Variants in SEC14L3 observed in about 807,000 individuals in gnomAD.
SEC14L3 encodes SEC14-like protein 3.
A neutral mutation model predicts 57.4 loss-of-function variants in SEC14L3; 56 were observed. The observed-to-expected ratio is 0.97, with a 90% CI of 0.79 to 1.22. SEC14L3 has a LOEUF of 1.22. SEC14L3 is among the 50% of genes most tolerant of loss of function. The pLI is 0.00. For missense variants in SEC14L3, 485 were observed against 511.7 expected, an observed-to-expected ratio of 0.95 and a Z score of 0.50; for synonymous variants, 173 against 194.4, an observed-to-expected ratio of 0.89 and a Z score of 0.92.
At chr22:30,465,640 C>T (rs942044164) in intron 7 of SEC14L3, among the ~76,000 whole-genome samples, 1 of 152,170 alleles carries the variant, frequency 6.6e-6, no homozygotes, top group African/African-American at 2.4e-5. Flanking sequence ...AACTAACTAG[C>T]CATCAAAACA....
At position 30,459,330 on chromosome 22, in the gene SEC14L3, G is replaced by A. The variant is rs1935178819; in HGVS notation, c.*691C>T. The A allele has an allele frequency of 1.0e-6, 1 of 985,468 alleles. No homozygotes were observed. Among genetic ancestry groups the A allele is most frequent in the African/African-American group, 1.7e-5 (1 of 57,362 alleles). The allele number at this position is 985,468 out of a possible 1,614,324, so 61.0% of individuals were successfully genotyped here. A position where few individuals can be genotyped will look rare whatever the true frequency, so the allele number is the denominator to read the frequency against. ...TATGTGCAACAAGGGAAGTGGGTTA[G>A]GGTGGGAAGCTGAGCGTGCAAGTCA... On this transcript the variant is annotated 3_prime_UTR_variant, in exon 12 of 12. Coordinates refer to ENST00000215812, the MANE Select transcript of SEC14L3 (RefSeq NM_174975.5).
intron 7 of SEC14L3, 157 bp from the exon 8 acceptor site, chr22:30,465,060 A>G: frequency 1.5e-6 from 1 of 666,546 alleles, no homozygotes; most frequent in South Asian, 6.7e-5. Context: ...CAACCAGTCA[A>G]CCAGCCAACA....
intron 5 of SEC14L3, among the ~76,000 whole-genome samples, chr22:30,468,282 CA>C (rs1338425218): frequency 8.5e-5 from 12 of 141,076 alleles, no homozygotes; most frequent in Admixed American, 1.5e-4. Flanking sequence ...CTGTCTCAAG[CA>C]AAAAAAAAAA....
chr22:30,461,657 A>G lies in SEC14L3; in HGVS notation c.809T>C (p.Val270Ala), dbSNP rs1935269568. ...YGGEIPKSMY[V>A]RDQVKTQYEH... ...GTACTGAGTCTTCACCTGGTCCCGCACGTACATGGACTTGGGGATCTCCCC... is the reference window on the plus strand; with the variant it reads ...GTACTGAGTCTTCACCTGGTCCCGCGCGTACATGGACTTGGGGATCTCCCC... Residue 270 changes from valine to alanine, a missense_variant, in exon 10 of 12, where the codon GTG (valine) becomes GCG (alanine). Physicochemically the swap from Val to Ala is moderately conservative, Grantham distance 64. Coordinates refer to ENST00000215812, the MANE Select transcript of SEC14L3 (RefSeq NM_174975.5). 1.2e-6 allele frequency: 2 copies of G among 1,612,334 alleles called. No homozygotes were observed. Among genetic ancestry groups the G allele is most frequent in the Admixed American group, 1.7e-5 (1 of 59,842 alleles).
chr22:30,471,764 G>T, intron 1 of SEC14L3, 141 bp downstream of exon 1: 1 of 1,230,740 alleles, frequency 8.1e-7, no homozygotes, highest in South Asian at 1.3e-5. Context: ...CGTGGGGCTT[G>T]ACCCTTTGGG....
At chr22:30,469,191 C>T (rs927411128) in intron 4 of SEC14L3, among the ~76,000 whole-genome samples, 1 of 152,020 alleles carries the variant, frequency 6.6e-6, no homozygotes, top group Non-Finnish European at 1.5e-5. Context: ...TGGTAATACA[C>T]ATCTGTAGAC....
At chr22:30,461,775 C>G (rs573859812) in intron 9 of SEC14L3, 81 bp from the exon 10 acceptor site, 3 of 1,526,366 alleles carry the variant, frequency 2.0e-6, no homozygotes, top group South Asian at 1.2e-5. Context: ...ACTTTCACCA[C>G]CTCCTGGAAG....
intron 12 of SEC14L3, among the ~76,000 whole-genome samples, chr22:30,452,628 C>T (rs762713688): frequency 8.6e-5 from 13 of 151,916 alleles, no homozygotes; most frequent in Non-Finnish European, 1.8e-4. Flanking sequence ...GAAGCCAGCA[C>T]GGGGAGACAG....
chr22:30,468,347 G>C (rs1185757786), intron 5 of SEC14L3, among the ~76,000 whole-genome samples, 161 bp downstream of exon 5: 1 of 151,882 alleles, frequency 6.6e-6, no homozygotes, highest in Non-Finnish European at 1.5e-5. Context: ...TTCTGTGACT[G>C]TGACTTTTCA....
At chr22:30,460,351 C>T (rs1601815457) in intron 11 of SEC14L3, 1 of 838,202 alleles carries the variant, frequency 1.2e-6, no homozygotes, top group Non-Finnish European at 1.4e-6. Context: ...TGGCATGTGC[C>T]CAGGCATGGC....
chr22:30,466,232 C>A (rs1935411431), intron 7 of SEC14L3, 102 bp downstream of exon 7: 1 of 1,135,990 alleles, frequency 8.8e-7, no homozygotes, highest in Non-Finnish European at 1.3e-6. Context: ...GCCAAGAAAC[C>A]AACCTGCCTC....
At chr22:30,462,843 T>C (rs1935310451) in intron 8 of SEC14L3, among the ~76,000 whole-genome samples, 1 of 151,936 alleles carries the variant, frequency 6.6e-6, no homozygotes, top group South Asian at 2.1e-4. Flanking sequence ...TTTCAAGCAG[T>C]TCTCTACCTC....
rs140768037 is a variant in SEC14L3 at position 30,469,686 on chromosome 22, A to C, written c.234+333T>G. 5.9e-3 allele frequency among the ~76,000 whole-genome samples: 905 copies of C among 152,334 alleles called. 5 individuals carry two copies. The highest frequency in any genetic ancestry group is 7.1e-3 in the Non-Finnish European group (482 of 68,028). ...GTTACGAGCCTGGGTTTGGGGGCCCAAACAGGCCTGAGCATAAATCCCAGC... is the reference window on the plus strand; with the variant it reads ...GTTACGAGCCTGGGTTTGGGGGCCCCAACAGGCCTGAGCATAAATCCCAGC... On this transcript the variant is annotated intron_variant, in intron 4 of 11. Coordinates refer to ENST00000215812, the MANE Select transcript of SEC14L3 (RefSeq NM_174975.5).
At chr22:30,456,860 G>A (rs1935128263), downstream of SEC14L3, among the ~76,000 whole-genome samples, 2 of 152,172 alleles carry the variant, frequency 1.3e-5, no homozygotes, top group Non-Finnish European at 2.9e-5. Context: ...CCTCTTACTG[G>A]CTGTGTGCAC....
At chr22:30,458,537 GA>G (rs1935158710), downstream of SEC14L3, among the ~76,000 whole-genome samples, 1 of 152,136 alleles carries the variant, frequency 6.6e-6, no homozygotes, top group African/African-American at 2.4e-5. Context: ...GGAATCTTAG[GA>G]GGTCATATTC....
downstream of SEC14L3, chr22:30,459,210 A>G (rs1955219657): frequency 1.1e-6 from 1 of 937,520 alleles, no homozygotes; most frequent in Non-Finnish European, 1.3e-6. Flanking sequence ...TTTCTGGTAC[A>G]CAGAGAGCAC....
rs1056870937 is a variant in SEC14L3 at position 30,470,192 on chromosome 22, C to T, written c.174+20G>A. 1 of 1,614,056 alleles carries T rather than the reference C, an allele frequency of 6.2e-7. No individual in the cohort carries two copies. The highest frequency in any genetic ancestry group is 8.5e-7 in the Non-Finnish European group (1 of 1,179,982). ...CCTGACAAATCCCCTCCATAAATTT[C>T]CAGAGTGGATAGGTCTCACCTTGCG... On this transcript the variant is annotated intron_variant, in intron 3 of 11. Coordinates refer to ENST00000215812, the MANE Select transcript of SEC14L3 (RefSeq NM_174975.5).
intron 12 of SEC14L3, among the ~76,000 whole-genome samples, chr22:30,452,710 TTTCTTTC>T (rs1382513275): frequency 7.2e-6 from 1 of 139,736 alleles, no homozygotes; most frequent in Non-Finnish European, 1.6e-5. Flanking sequence ...TCTTTCTTTC[TTTCTTTC>T]TTTTTTTTTT....
chr22:30,449,555 T>G (rs1601805392), intron 12 of SEC14L3, among the ~76,000 whole-genome samples: 3 of 145,966 alleles, frequency 2.1e-5, no homozygotes, highest in Admixed American at 2.0e-4. Flanking sequence ...TTTCTTTTCT[T>G]TTCTTTTCTT....
Sources: allele counts gnomAD v4.1 joint callset (sites outside exome capture counted in the v4.1 genomes callset), GRCh38; gene constraint gnomAD v4.1.1; transcripts MANE v1.5; gene names NCBI Gene and HGNC (gene_info 2026-07-23, HGNC 2026-07-21).